ADGRL3: variants seen among roughly 807,000 people sequenced by gnomAD.
ADGRL3 encodes the protein calcium-independent alpha-latrotoxin receptor 3.
A neutral mutation model predicts 153.5 loss-of-function variants in ADGRL3; 62 were observed. That is an observed-to-expected ratio of 0.40 (90% confidence interval 0.33 to 0.50). The LOEUF is 0.50. ADGRL3 is among the 20% of genes least tolerant of loss of function. The pLI is 0.47. For missense variants in ADGRL3, 1,641 were observed against 1,859.4 expected (o/e 0.88, Z 2.16); for synonymous variants, 710 against 672.5 (o/e 1.06, Z -0.86).
At chr4:61,713,387 T>C (rs1017038967) in intron 6 of ADGRL3, among the ~76,000 whole-genome samples, 6 of 152,174 alleles carry the variant, frequency 3.9e-5, no homozygotes, top group African/African-American at 1.4e-4. Context: ...GTGTGCCTAG[T>C]GTTCACCAAA....
chr4:61,764,450 G>T (rs2096951390), intron 8 of ADGRL3, among the ~76,000 whole-genome samples: 1 of 127,918 alleles, frequency 7.8e-6, no homozygotes, highest in Non-Finnish European at 1.6e-5. Flanking sequence ...AGGAGTGGGG[G>T]TCGCAAGGTG....
At chr4:61,620,119 C>T (rs900613436) in intron 5 of ADGRL3, among the ~76,000 whole-genome samples, 10 of 150,912 alleles carry the variant, frequency 6.6e-5, no homozygotes, top group South Asian at 2.1e-4. Context: ...TAAAAAAATG[C>T]GAGGGTATCT....
At chr4:61,793,920 A>C (rs1350943424) in intron 8 of ADGRL3, among the ~76,000 whole-genome samples, 1 of 152,242 alleles carries the variant, frequency 6.6e-6, no homozygotes, top group East Asian at 1.9e-4. Context: ...ATTTCAAAAA[A>C]GAAAAATAGT....
intron 2 of ADGRL3, among the ~76,000 whole-genome samples, chr4:61,436,773 T>C (rs2097451729): frequency 6.6e-6 from 1 of 151,980 alleles, no homozygotes; most frequent in Non-Finnish European, 1.5e-5. Context: ...ATCATAGTGG[T>C]AAGGTTTATA....
intron 4 of ADGRL3, among the ~76,000 whole-genome samples, chr4:61,534,526 G>C (rs2098643273): frequency 6.6e-6 from 1 of 151,984 alleles, no homozygotes; most frequent in Non-Finnish European, 1.5e-5. Flanking sequence ...ATTGCTTTGG[G>C]GAGTATAGTC....
chr4:61,465,844 G>A (rs2097875485), intron 2 of ADGRL3, among the ~76,000 whole-genome samples: 1 of 150,238 alleles, frequency 6.7e-6, no homozygotes. Context: ...ACTCATGGCT[G>A]GGCGCAGTGT....
At chr4:61,629,618 G>A (rs2093032555) in intron 5 of ADGRL3, among the ~76,000 whole-genome samples, 1 of 150,658 alleles carries the variant, frequency 6.6e-6, no homozygotes, top group Admixed American at 6.6e-5. Context: ...TCGGGAGGCT[G>A]AGGCAGGAGA....
At chr4:61,472,935 T>C (rs2097982008) in intron 2 of ADGRL3, among the ~76,000 whole-genome samples, 1 of 152,174 alleles carries the variant, frequency 6.6e-6, no homozygotes, top group African/African-American at 2.4e-5. Context: ...TTGTCCCTTG[T>C]ATCTGATTGA....
At chr4:61,627,239 C>A (rs2092886856) in intron 5 of ADGRL3, among the ~76,000 whole-genome samples, 1 of 151,946 alleles carries the variant, frequency 6.6e-6, no homozygotes, top group Non-Finnish European at 1.5e-5. Context: ...CTACTTGTAG[C>A]TTGTGCAAAA....
intron 1 of ADGRL3, among the ~76,000 whole-genome samples, chr4:61,227,685 T>C (rs1748614311): frequency 6.6e-6 from 1 of 152,230 alleles, no homozygotes; most frequent in Non-Finnish European, 1.5e-5. Flanking sequence ...TACGTTTTCA[T>C]TTATCATTCA....
At position 61,935,952 on chromosome 4, in the gene ADGRL3, G is replaced by A. The variant is rs1162464740; in HGVS notation, c.2326G>A (p.Gly776Arg). The change falls in exon 15 of 27, where the codon GGA (glycine) becomes AGA (arginine). Residue 776 changes from glycine to arginine, a missense_variant. Coordinates refer to ENST00000683033, the MANE Select transcript of ADGRL3 (RefSeq NM_001387552.1). ...GGAAGTTGCAAGACTGAGCACAGAAGGAAACTTAGAAGACCTAAAATTTCC... is the reference window on the plus strand; with the variant it reads ...GGAAGTTGCAAGACTGAGCACAGAAAGAAACTTAGAAGACCTAAAATTTCC... ...KLEVARLSTE[G>R]NLEDLKFPEN... 1.3e-6 allele frequency: 2 copies of A among 1,598,518 alleles called. No individual in the cohort carries two copies. Among genetic ancestry groups the A allele is most frequent in the Non-Finnish European group, 1.7e-6 (2 of 1,171,760 alleles).
chr4:61,871,080 C>T (rs537605002), intron 9 of ADGRL3, among the ~76,000 whole-genome samples: 4 of 152,048 alleles, frequency 2.6e-5, no homozygotes, highest in East Asian at 1.9e-4. Context: ...AGATCGAGAC[C>T]ATCCTGGCTA....
At chr4:61,875,674 T>C (rs1055836174) in intron 9 of ADGRL3, among the ~76,000 whole-genome samples, 9 of 152,242 alleles carry the variant, frequency 5.9e-5, no homozygotes, top group African/African-American at 1.7e-4. Flanking sequence ...TATTGCTAAA[T>C]ACGAGTTTTA....
chr4:61,859,226 C>T (rs2149262052), intron 9 of ADGRL3, among the ~76,000 whole-genome samples: 1 of 152,156 alleles, frequency 6.6e-6, no homozygotes, highest in South Asian at 2.1e-4. Flanking sequence ...TGTTAAATAC[C>T]TCCTTATTTA....
intron 13 of ADGRL3, among the ~76,000 whole-genome samples, chr4:61,922,193 G>A (rs1248364405): frequency 6.6e-6 from 1 of 152,104 alleles, no homozygotes; most frequent in African/African-American, 2.4e-5. Flanking sequence ...ACAATAAACT[G>A]TCTAAAGTGA....
At chr4:62,018,671 C>T (rs996064760) in intron 21 of ADGRL3, among the ~76,000 whole-genome samples, 4 of 152,036 alleles carry the variant, frequency 2.6e-5, no homozygotes, top group Admixed American at 6.6e-5. Flanking sequence ...CTGGGATTGG[C>T]GTAGGAAGGA....
intron 2 of ADGRL3, among the ~76,000 whole-genome samples, chr4:61,391,639 T>A (rs2096803620): frequency 1.3e-5 from 2 of 152,066 alleles, no homozygotes; most frequent in South Asian, 4.1e-4. Context: ...ATTTTTTTTT[T>A]ATTTCTAAGT....
rs1253284633 is a variant in ADGRL3, at chr4:61,202,633, G to T, written c.-240+868G>T. Among the ~76,000 whole-genome samples, 1 of 152,170 alleles carries T rather than the reference G, an allele frequency of 6.6e-6. No individual in the cohort carries two copies. The highest frequency in any genetic ancestry group is 1.5e-5 in the Non-Finnish European group (1 of 68,024). ...GAAGGCACCTCGGCGCTTCTCTGAGGAGAAGGGAAGGCTCCAGGCTGCAGC... is the reference window on the plus strand; with the variant it reads ...GAAGGCACCTCGGCGCTTCTCTGAGTAGAAGGGAAGGCTCCAGGCTGCAGC... On this transcript the variant is annotated intron_variant, in intron 1 of 26. Transcript: ENST00000683033. The surrounding 1 kb of genome is among the most constrained non-coding windows in gnomAD (Gnocchi z 5.0).
At chr4:61,597,472 C>T (rs2098993685) in intron 5 of ADGRL3, among the ~76,000 whole-genome samples, 2 of 152,006 alleles carry the variant, frequency 1.3e-5, no homozygotes, top group African/African-American at 4.8e-5. Context: ...GTATATTTTA[C>T]TATTACATAT....
Sources: allele counts gnomAD v4.1 joint callset (sites outside exome capture counted in the v4.1 genomes callset), GRCh38; gene constraint gnomAD v4.1.1; non-coding constraint Gnocchi (gnomAD v3.1); transcripts MANE v1.5; gene names NCBI Gene and HGNC (gene_info 2026-07-23, HGNC 2026-07-21).